PALLD: variants seen among roughly 807,000 people sequenced by gnomAD.
PALLD encodes the protein palladin, cytoskeletal associated protein.
In PALLD, 61 loss-of-function variants were observed where a neutral mutation model predicts 123.5. That is an observed-to-expected ratio of 0.49 (90% CI 0.40 to 0.61). The LOEUF (loss-of-function observed/expected upper bound fraction) is 0.61, where lower values mean the gene tolerates loss of function less well. Among genes scored for constraint, PALLD ranks in the 20% least tolerant of loss-of-function variants. PALLD has a pLI of 0.00. For synonymous variants in PALLD, 465 were observed against 496.4 expected (o/e 0.94, Z 0.84); for missense variants, 1,273 against 1,377.0 (o/e 0.92, Z 1.20).
intron 10 of PALLD, among the ~76,000 whole-genome samples, chr4:168,792,809 C>T (rs530128637): frequency 6.6e-6 from 1 of 151,196 alleles, no homozygotes; most frequent in Non-Finnish European, 1.5e-5. Context: ...CTCTGTCACC[C>T]AGGCTAGAGT....
At chr4:168,619,408 T>C (rs767101476) in intron 2 of PALLD, among the ~76,000 whole-genome samples, 2 of 152,220 alleles carry the variant, frequency 1.3e-5, no homozygotes, top group Non-Finnish European at 2.9e-5. Flanking sequence ...ACTTTTGCTT[T>C]TAATCTAACT....
At chr4:168,681,540 A>ATTTT (rs34328020) in intron 4 of PALLD, 142 bp downstream of exon 4, 14,294 of 336,194 alleles carry the variant, frequency 0.043, 701 homozygotes, top group African/African-American at 0.12. Context: ...TTGGAACACA[A>ATTTT]TTTTTTTTTT....
chr4:168,723,369 G>A (rs1242327093), intron 10 of PALLD, among the ~76,000 whole-genome samples: 1 of 152,214 alleles, frequency 6.6e-6, no homozygotes, highest in East Asian at 1.9e-4. Context: ...GGACCCTGCA[G>A]AACCCTCCTT....
intron 10 of PALLD, among the ~76,000 whole-genome samples, chr4:168,837,483 T>A (rs1055773924): frequency 2.0e-5 from 3 of 152,246 alleles, no homozygotes; most frequent in Non-Finnish European, 4.4e-5. Flanking sequence ...AACCAGCACC[T>A]ATCGGTAGCT....
At chr4:168,628,625 A>G (rs1775525915) in intron 2 of PALLD, among the ~76,000 whole-genome samples, 2 of 152,100 alleles carry the variant, frequency 1.3e-5, no homozygotes, top group Non-Finnish European at 2.9e-5. Context: ...CTTTGCTCAC[A>G]CGTCACTGTC....
In PALLD at chr4:168,695,218, G is replaced by A. The variant is rs115240828; in HGVS notation, c.1501+3926G>A. The stretch of plus-strand genomic sequence containing the variant: ...TTGATTCTCTGATTCAAAATATAAA[G>A]TAAGTTACACTTAGTTAAATGTACT... On this transcript the variant is annotated intron_variant, in intron 8 of 21. Transcript: ENST00000505667. Among the ~76,000 whole-genome samples, 1,301 of 152,252 alleles carry A rather than the reference G, an allele frequency of 8.5e-3. 13 individuals are homozygous for A. The highest frequency in any genetic ancestry group is 0.03 in the African/African-American group (1,239 of 41,542).
intron 10 of PALLD, among the ~76,000 whole-genome samples, chr4:168,878,992 A>C (rs1752245672): frequency 6.6e-6 from 1 of 152,224 alleles, no homozygotes; most frequent in Non-Finnish European, 1.5e-5. Context: ...TTAAGAAATA[A>C]GCCTTTGTGT....
At chr4:168,505,224 G>C (rs2149406526) in intron 1 of PALLD, among the ~76,000 whole-genome samples, 1 of 152,230 alleles carries the variant, frequency 6.6e-6, no homozygotes, top group East Asian at 1.9e-4. Context: ...ATATGCCATA[G>C]AACTATTATT....
intron 10 of PALLD, among the ~76,000 whole-genome samples, chr4:168,751,939 A>G (rs983547312): frequency 6.6e-6 from 1 of 152,232 alleles, no homozygotes; most frequent in Non-Finnish European, 1.5e-5. Context: ...ATTGTCCTAA[A>G]CACTGTTCTG....
intron 10 of PALLD, among the ~76,000 whole-genome samples, chr4:168,736,198 C>T (rs977071426): frequency 1.1e-4 from 16 of 152,164 alleles, no homozygotes; most frequent in African/African-American, 3.6e-4. Context: ...TTTGTGAAAA[C>T]AAAGTGTTTG....
intron 10 of PALLD, among the ~76,000 whole-genome samples, chr4:168,798,609 A>G (rs1437549820): frequency 6.6e-6 from 1 of 152,244 alleles, no homozygotes; most frequent in Non-Finnish European, 1.5e-5. Context: ...AAACTTTACT[A>G]TAACCTACCT....
At chr4:168,612,302 T>C (rs1222583459) in intron 2 of PALLD, among the ~76,000 whole-genome samples, 1 of 151,928 alleles carries the variant, frequency 6.6e-6, no homozygotes, top group Non-Finnish European at 1.5e-5. Flanking sequence ...AAATCATCTC[T>C]TCAACCCCCT....
chr4:168,523,528 A>G (rs1296725983), intron 2 of PALLD, among the ~76,000 whole-genome samples: 1 of 152,204 alleles, frequency 6.6e-6, no homozygotes, highest in East Asian at 1.9e-4. Context: ...AAAGACCAAG[A>G]ATTCTCCATA....
intron 10 of PALLD, among the ~76,000 whole-genome samples, chr4:168,848,577 A>G (rs377301614): frequency 1.6e-3 from 238 of 152,334 alleles, no homozygotes; most frequent in African/African-American, 5.6e-3. Context: ...CACTATTAAA[A>G]GCAAAAAGAG....
chr4:168,857,694 T>G (rs1748801521), intron 10 of PALLD, among the ~76,000 whole-genome samples: 1 of 152,180 alleles, frequency 6.6e-6, no homozygotes, highest in African/African-American at 2.4e-5. Flanking sequence ...AAGAGGAAAC[T>G]CAAGTGTGTT....
chr4:168,501,221 G>A (rs917249833), intron 1 of PALLD, among the ~76,000 whole-genome samples: 18 of 152,078 alleles, frequency 1.2e-4, no homozygotes, highest in African/African-American at 3.6e-4. Flanking sequence ...AGACAATACT[G>A]GGCAATGAAA....
chr4:168,666,787 T>C (rs1262730237), intron 2 of PALLD, among the ~76,000 whole-genome samples: 2 of 152,158 alleles, frequency 1.3e-5, no homozygotes, highest in Non-Finnish European at 2.9e-5. Context: ...ATTAAAACAC[T>C]AAAGCCACAG....
At chr4:168,596,374 G>A (rs578148371) in intron 2 of PALLD, among the ~76,000 whole-genome samples, 1 of 152,190 alleles carries the variant, frequency 6.6e-6, no homozygotes, top group South Asian at 2.1e-4. Context: ...CATTTAAAGT[G>A]GGCCTTAAAG....
Position 168,926,199 on chromosome 4 carries a change from C to A in PALLD, c.*33-14C>A. On this transcript the variant is annotated splice_polypyrimidine_tract_variant and intron_variant, in intron 21 of 21. Transcript: ENST00000505667. The stretch of plus-strand genomic sequence containing the variant: ...TCTTGATTAAAAATCTTAATTTACT[C>A]TTTTTCTTTGTAGCCCAGTGGCATC... 1.3e-6 allele frequency: 2 copies of A among 1,504,494 alleles called. No homozygotes were observed. The highest frequency in any genetic ancestry group is 1.8e-6 in the Non-Finnish European group (2 of 1,131,048). 93.2% of individuals were successfully genotyped at this position (1,504,494 alleles called of 1,614,324 possible).
Sources: allele counts gnomAD v4.1 joint callset (sites outside exome capture counted in the v4.1 genomes callset), GRCh38; gene constraint gnomAD v4.1.1; transcripts MANE v1.5; gene names NCBI Gene and HGNC (gene_info 2026-07-23, HGNC 2026-07-21).